Variants in DPYD observed in about 807,000 individuals in gnomAD.
DPYD encodes the protein dihydropyrimidine dehydrogenase.
DPYD carries 109 observed loss-of-function variants against 116.2 expected under a neutral mutation model. That is an observed-to-expected ratio of 0.94 (90% CI 0.80 to 1.10). DPYD has a LOEUF of 1.10. Ranked by LOEUF, DPYD falls within the 50% of genes least tolerant of loss-of-function variation. DPYD has a pLI of 0.00. For synonymous variants in DPYD, 440 were observed against 432.0 expected, an observed-to-expected ratio of 1.02 and a Z score of -0.23; for missense variants, 1,302 against 1,254.5, an observed-to-expected ratio of 1.04 and a Z score of -0.57.
rs1669862037 is a variant in DPYD at position 97,346,664 on chromosome 1, GATA to G, written c.2058+26894_2058+26896del. 2.0e-5 allele frequency among the ~76,000 whole-genome samples: 3 copies of G among 151,888 alleles called. No individual in the cohort carries two copies. In the South Asian group the frequency reaches 6.2e-4, roughly 32 times the overall value. Reference sequence around the variant, plus strand: ...TACTTAAACTTGATTTTTATGTATAGATAATGATTGTCTTACTAGTATTTAGTT... The same window carrying G: ...TACTTAAACTTGATTTTTATGTATAGATGATTGTCTTACTAGTATTTAGTT... On this transcript the variant is annotated intron_variant, in intron 16 of 22. Transcript: ENST00000370192.
At chr1:97,886,725 C>G (rs1672509030) in intron 1 of DPYD, among the ~76,000 whole-genome samples, 1 of 151,884 alleles carries the variant, frequency 6.6e-6, no homozygotes, top group Non-Finnish European at 1.5e-5. Context: ...AAGTTCAAAC[C>G]TAAGAGTACT....
intron 18 of DPYD, among the ~76,000 whole-genome samples, chr1:97,253,024 A>G (rs1663209897): frequency 6.6e-6 from 1 of 152,166 alleles, no homozygotes; most frequent in Admixed American, 6.6e-5. Flanking sequence ...AAAGTTTCAG[A>G]AAAAAATGAT....
chr1:97,767,303 G>T (rs972455159), intron 3 of DPYD, among the ~76,000 whole-genome samples: 4 of 152,136 alleles, frequency 2.6e-5, no homozygotes, highest in African/African-American at 9.7e-5. Flanking sequence ...GAGACAAAAT[G>T]AGTCCATTTT....
At chr1:97,342,007 T>C (rs1669610290) in intron 16 of DPYD, among the ~76,000 whole-genome samples, 1 of 152,214 alleles carries the variant, frequency 6.6e-6, no homozygotes, top group East Asian at 1.9e-4. Context: ...TGACGAAGTT[T>C]AGAATCTCAT....
At chr1:97,357,609 T>C (rs1303352518) in intron 16 of DPYD, among the ~76,000 whole-genome samples, 3 of 152,120 alleles carry the variant, frequency 2.0e-5, no homozygotes, top group Admixed American at 2.0e-4. Context: ...ACTGGTGAAA[T>C]CTGAGTTTTC....
intron 20 of DPYD, among the ~76,000 whole-genome samples, chr1:97,102,643 T>A (rs1650826451): frequency 6.6e-6 from 1 of 151,670 alleles, no homozygotes; most frequent in Non-Finnish European, 1.5e-5. Flanking sequence ...TATTTATCAG[T>A]CTTTTGACAT....
At chr1:97,415,606 G>A (rs1290252786) in intron 14 of DPYD, among the ~76,000 whole-genome samples, 1 of 152,176 alleles carries the variant, frequency 6.6e-6, no homozygotes, top group Non-Finnish European at 1.5e-5. Flanking sequence ...ACAGGCGTGA[G>A]CCACCATGCC....
intron 13 of DPYD, among the ~76,000 whole-genome samples, chr1:97,466,262 C>T (rs1033161647): frequency 1.3e-5 from 2 of 152,112 alleles, no homozygotes; most frequent in Non-Finnish European, 2.9e-5. Context: ...GCAGAAGGTT[C>T]TACAATCAAA....
At chr1:97,725,013 A>C (rs1221341966) in intron 4 of DPYD, among the ~76,000 whole-genome samples, 1 of 150,902 alleles carries the variant, frequency 6.6e-6, no homozygotes, top group African/African-American at 2.4e-5. Flanking sequence ...AAAGGGAAAA[A>C]TTATTTCTAT....
At chr1:97,375,724 G>C (rs963728431) in intron 15 of DPYD, among the ~76,000 whole-genome samples, 1 of 152,144 alleles carries the variant, frequency 6.6e-6, no homozygotes, top group South Asian at 2.1e-4. Context: ...TGGATAATAT[G>C]ACCTGTCTCA....
chr1:97,696,618 A>T (rs1045631208), intron 6 of DPYD, among the ~76,000 whole-genome samples: 4 of 152,094 alleles, frequency 2.6e-5, no homozygotes, highest in African/African-American at 7.2e-5. Context: ...GAAAAAAAAA[A>T]ATTTCTTGTA....
chr1:97,403,183 G>A (rs1333433834), intron 14 of DPYD, among the ~76,000 whole-genome samples: 2 of 152,040 alleles, frequency 1.3e-5, no homozygotes, highest in African/African-American at 2.4e-5. Flanking sequence ...TGATAAGGCT[G>A]TAATAAACTG....
intron 8 of DPYD, among the ~76,000 whole-genome samples, chr1:97,673,339 C>T (rs1659972008): frequency 6.6e-6 from 1 of 152,014 alleles, no homozygotes. Context: ...ATCACTATTC[C>T]TACTTGGAAT....
intron 1 of DPYD, among the ~76,000 whole-genome samples, chr1:97,917,751 T>C (rs1674288800): frequency 6.6e-6 from 1 of 152,182 alleles, no homozygotes; most frequent in Non-Finnish European, 1.5e-5. Context: ...TCAAAAGTAC[T>C]AGTATTCAAA....
intron 8 of DPYD, among the ~76,000 whole-genome samples, chr1:97,600,815 T>C (rs1221236119): frequency 6.6e-6 from 1 of 152,230 alleles, no homozygotes; most frequent in Non-Finnish European, 1.5e-5. Context: ...ATCCATGATA[T>C]ACACAGTTTA....
At chr1:97,359,379 C>T (rs1047231915) in intron 16 of DPYD, among the ~76,000 whole-genome samples, 1 of 152,116 alleles carries the variant, frequency 6.6e-6, no homozygotes, top group African/African-American at 2.4e-5. Flanking sequence ...AGTTGGAAAA[C>T]ACTCTTCAGG....
chr1:97,095,550 A>G (rs981700538), intron 21 of DPYD, among the ~76,000 whole-genome samples: 1 of 152,028 alleles, frequency 6.6e-6, no homozygotes, highest in Non-Finnish European at 1.5e-5. Flanking sequence ...AGGTTAACCT[A>G]AGCAAACAAA....
At chr1:97,130,169 A>G (rs933272223) in intron 20 of DPYD, among the ~76,000 whole-genome samples, 6 of 152,158 alleles carry the variant, frequency 3.9e-5, no homozygotes, top group Non-Finnish European at 7.4e-5. Flanking sequence ...TCTAAATTTT[A>G]TTTCTAGGTG....
chr1:97,696,027 G>C (rs1661282540), intron 6 of DPYD, among the ~76,000 whole-genome samples: 1 of 151,966 alleles, frequency 6.6e-6, no homozygotes, highest in Non-Finnish European at 1.5e-5. Context: ...CTACTTGGGA[G>C]GCGGAGGCAG....
Sources: allele counts gnomAD v4.1 joint callset (sites outside exome capture counted in the v4.1 genomes callset), GRCh38; gene constraint gnomAD v4.1.1; transcripts MANE v1.5; gene names NCBI Gene and HGNC (gene_info 2026-07-23, HGNC 2026-07-21).